GNG4: variants seen among roughly 807,000 people sequenced by gnomAD.
GNG4 encodes guanine nucleotide-binding protein G(I)/G(S)/G(O) subunit gamma-4.
In GNG4, 4 loss-of-function variants were observed where a neutral mutation model predicts 5.8. The observed-to-expected ratio is 0.69, with a 90% CI of 0.34 to 1.57. GNG4 has a LOEUF of 1.57. Ranked by LOEUF, GNG4 falls within the 40% of genes most tolerant of loss-of-function variation. The pLI is 0.06. For missense variants in GNG4, 96 were observed against 95.1 expected, an observed-to-expected ratio of 1.01 and a Z score of -0.04; for synonymous variants, 29 against 32.9, an observed-to-expected ratio of 0.88 and a Z score of 0.41.
chr1:235,602,283 C>G (rs922038184), intron 1 of GNG4, among the ~76,000 whole-genome samples: 3 of 151,976 alleles, frequency 2.0e-5, no homozygotes, highest in African/African-American at 7.3e-5. Context: ...ACAACAACAA[C>G]AAAAAAGAAG....
intron 1 of GNG4, among the ~76,000 whole-genome samples, chr1:235,600,549 C>T (rs1454096890): frequency 1.3e-5 from 2 of 152,202 alleles, no homozygotes; most frequent in South Asian, 2.1e-4. Context: ...AAGTGATCCT[C>T]CAACCTCAGC....
chr1:235,621,219 A>C (rs1188786552), intron 1 of GNG4, among the ~76,000 whole-genome samples: 7 of 130,790 alleles, frequency 5.4e-5, no homozygotes, highest in South Asian at 2.3e-4. Context: ...AGATTAGCCA[A>C]AAAAAAAAAA....
At position 235,548,369 on chromosome 1, in the gene GNG4, G is replaced by A. The variant is rs1686637999; in HGVS notation, c.*3740C>T. ...CTCAGCGAGTCCAAGGAGTGGAGCA[G>A]AAATGACATTCCCAGGACGCTGCCA... On this transcript the variant is annotated 3_prime_UTR_variant, in exon 4 of 4. Coordinates refer to ENST00000391854, the MANE Select transcript of GNG4 (RefSeq NM_001098722.2). 1 of 152,240 alleles carries A rather than the reference G, an allele frequency of 6.6e-6. No homozygotes were observed. Among genetic ancestry groups the A allele is most frequent in the African/African-American group, 2.4e-5 (1 of 41,426 alleles). The allele number at this position is 152,240 out of a possible 1,614,324, so 9.4% of individuals were successfully genotyped here.
At chr1:235,609,619 G>A (rs1033727466) in intron 1 of GNG4, among the ~76,000 whole-genome samples, 14 of 152,144 alleles carry the variant, frequency 9.2e-5, no homozygotes, top group Non-Finnish European at 1.9e-4. Flanking sequence ...ATAGCATAAA[G>A]AAAAGTTTCC....
chr1:235,597,211 G>A (rs952686664), intron 1 of GNG4, among the ~76,000 whole-genome samples: 4 of 152,200 alleles, frequency 2.6e-5, no homozygotes, highest in South Asian at 2.1e-4. Flanking sequence ...ATCCATCTCC[G>A]AGGCATCCTA....
intron 1 of GNG4, among the ~76,000 whole-genome samples, chr1:235,635,931 G>T (rs982541658): frequency 1.3e-5 from 2 of 152,166 alleles, no homozygotes; most frequent in South Asian, 2.1e-4. Flanking sequence ...GGCTCTGAAG[G>T]CCCACCTTCC....
intron 2 of GNG4, among the ~76,000 whole-genome samples, chr1:235,590,869 A>G (rs553010827): frequency 9.2e-5 from 14 of 152,298 alleles, no homozygotes; most frequent in African/African-American, 2.9e-4. Flanking sequence ...CATGGGACGC[A>G]TAGGATGTCT....
At chr1:235,580,739 G>GTTTTTTTTTTTTTTTTTT (rs1200655746) in intron 3 of GNG4, among the ~76,000 whole-genome samples, 2 of 98,048 alleles carry the variant, frequency 2.0e-5, no homozygotes, top group African/African-American at 9.1e-5. Flanking sequence ...GGCCTATCCC[G>GTTTTTTTTTTTTTTTTTT]TTTTTTGTTT....
intron 1 of GNG4, among the ~76,000 whole-genome samples, chr1:235,626,061 G>A (rs895654153): frequency 6.6e-6 from 1 of 152,182 alleles, no homozygotes; most frequent in African/African-American, 2.4e-5. Flanking sequence ...CAATGAACAA[G>A]AGTGTCTGCT....
At chr1:235,638,831 G>T (rs1192246489) in intron 1 of GNG4, among the ~76,000 whole-genome samples, 1 of 151,992 alleles carries the variant, frequency 6.6e-6, no homozygotes, top group African/African-American at 2.4e-5. Context: ...CAAAGGACAT[G>T]AACTCATTCT....
At chr1:235,558,541 C>A (rs985705930) in intron 3 of GNG4, among the ~76,000 whole-genome samples, 7 of 152,198 alleles carry the variant, frequency 4.6e-5, no homozygotes, top group Non-Finnish European at 8.8e-5. Flanking sequence ...TCTGCTCCTT[C>A]CGCTGAGAGG....
rs765306081 is a variant in GNG4, at chr1:235,648,163, C to T, written c.-123+1499G>A. 1.7e-4 allele frequency among the ~76,000 whole-genome samples: 26 copies of T among 152,192 alleles called. No individual in the cohort carries two copies. The highest frequency in any genetic ancestry group is 2.6e-4 in the Admixed American group (4 of 15,296). ...GGCTTCCTTGGGCGAATTTTAAGGC[C>T]TATGAGCACTGGAGTTGTGCATGGA... On this transcript the variant is annotated intron_variant, in intron 1 of 3. Coordinates refer to ENST00000391854, the MANE Select transcript of GNG4 (RefSeq NM_001098722.2). This position sits in a 1 kb window ranked among gnomAD's most constrained non-coding sequence, Gnocchi z 5.0.
intron 2 of GNG4, among the ~76,000 whole-genome samples, chr1:235,593,699 G>A (rs905326911): frequency 6.6e-5 from 10 of 152,156 alleles, no homozygotes; most frequent in Non-Finnish European, 4.4e-5. Context: ...GCTGGCTCAG[G>A]AGTGAAGCTG....
rs116637486 is a variant in GNG4, at chr1:235,610,770, G to A, written c.-122-15259C>T. Among the ~76,000 whole-genome samples, 760 of 152,102 alleles carry A rather than the reference G, an allele frequency of 5.0e-3. 9 individuals carry two copies. The highest frequency in any genetic ancestry group is 0.016 in the African/African-American group (676 of 41,398). On this transcript the variant is annotated intron_variant, in intron 1 of 3. Coordinates refer to ENST00000391854, the MANE Select transcript of GNG4 (RefSeq NM_001098722.2). ...CCTCTTTCTCTCACCCTGGCCATGT[G>A]TCTCTGTCAAGATAAAAAAAAGCAC...
intron 3 of GNG4, among the ~76,000 whole-genome samples, chr1:235,562,415 G>A (rs1322495801): frequency 6.6e-6 from 1 of 152,068 alleles, no homozygotes; most frequent in African/African-American, 2.4e-5. Flanking sequence ...GGGAGGTCGA[G>A]GCAGGTGGAT....
rs192581279 is a variant in GNG4 at position 235,605,168 on chromosome 1, T to C, written c.-122-9657A>G. Among the ~76,000 whole-genome samples, 18 of 151,008 alleles carry C rather than the reference T, an allele frequency of 1.2e-4. No homozygotes were observed. In the East Asian group the frequency reaches 3.1e-3, roughly 26 times the overall value. On this transcript the variant is annotated intron_variant, in intron 1 of 3. Coordinates refer to ENST00000391854, the MANE Select transcript of GNG4 (RefSeq NM_001098722.2). Reference sequence around the variant, plus strand: ...GCATCTCACTGAAGAAATGAGGAAGTGGGTGGAGGTGGAATATGATTCCTG... The same window carrying C: ...GCATCTCACTGAAGAAATGAGGAAGCGGGTGGAGGTGGAATATGATTCCTG...
intron 1 of GNG4, among the ~76,000 whole-genome samples, chr1:235,601,920 T>A (rs1003440562): frequency 1.3e-5 from 2 of 152,060 alleles, no homozygotes; most frequent in Non-Finnish European, 2.9e-5. Context: ...GAGGCATCAA[T>A]GTCCCCTGGG....
At chr1:235,566,726 A>C (rs1453855514) in intron 3 of GNG4, 2 of 152,558 alleles carry the variant, frequency 1.3e-5, no homozygotes, top group African/African-American at 4.8e-5. Flanking sequence ...ACCAGTGCTG[A>C]AGATCTGGGT....
chr1:235,618,023 T>A (rs1278227912), intron 1 of GNG4, among the ~76,000 whole-genome samples: 1 of 151,998 alleles, frequency 6.6e-6, no homozygotes, highest in Non-Finnish European at 1.5e-5. Flanking sequence ...CCTCCCCTAG[T>A]GGAGATATCT....
Sources: allele counts gnomAD v4.1 joint callset (sites outside exome capture counted in the v4.1 genomes callset), GRCh38; gene constraint gnomAD v4.1.1; non-coding constraint Gnocchi (gnomAD v3.1); transcripts MANE v1.5; gene names NCBI Gene and HGNC (gene_info 2026-07-23, HGNC 2026-07-21).